CTDSPL: variants seen among roughly 807,000 people sequenced by gnomAD.
CTDSPL encodes the protein CTD small phosphatase like.
In CTDSPL, 8 loss-of-function variants were observed where a neutral mutation model predicts 30.5. The observed-to-expected ratio is 0.26, with a 90% CI of 0.15 to 0.47. CTDSPL has a LOEUF of 0.47. CTDSPL is among the 20% of genes least tolerant of loss of function. CTDSPL has a pLI of 0.99. For synonymous variants in CTDSPL, 110 were observed against 137.9 expected (o/e 0.80, Z 1.42); for missense variants, 248 against 366.1 (o/e 0.68, Z 2.63).
At chr3:37,971,673 G>A (rs955495985) in intron 6 of CTDSPL, among the ~76,000 whole-genome samples, 174 bp downstream of exon 6, 2 of 152,236 alleles carry the variant, frequency 1.3e-5, no homozygotes, top group African/African-American at 4.8e-5. Context: ...CAGTCTGAAA[G>A]CCTTCTGGGT....
chr3:37,912,128 A>G (rs1238707615), intron 1 of CTDSPL, among the ~76,000 whole-genome samples: 1 of 152,310 alleles, frequency 6.6e-6, no homozygotes, highest in Non-Finnish European at 1.5e-5. Context: ...CTCTAAAAGC[A>G]TCCTGATTTA....
chr3:37,935,280 A>G (rs1434838366), intron 1 of CTDSPL, among the ~76,000 whole-genome samples: 3 of 152,174 alleles, frequency 2.0e-5, no homozygotes, highest in Admixed American at 2.0e-4. Flanking sequence ...AAATCTCACC[A>G]CCATCGTCTA....
intron 1 of CTDSPL, among the ~76,000 whole-genome samples, chr3:37,903,184 C>G (rs1372812968): frequency 6.6e-6 from 1 of 152,132 alleles, no homozygotes; most frequent in Non-Finnish European, 1.5e-5. Context: ...GAGGAGAGGA[C>G]TTGGGAAGGG....
chr3:37,974,047 A>AT lies in CTDSPL; in HGVS notation c.520-1654dup, dbSNP rs369309155. Among the ~76,000 whole-genome samples the AT allele has an allele frequency of 4.1e-3, 626 of 152,248 alleles. 10 individuals carry two copies. The South Asian group carries it at 0.051, about 12-fold the overall frequency. On this transcript the variant is annotated intron_variant, in intron 6 of 7. Coordinates refer to ENST00000273179, the MANE Select transcript of CTDSPL (RefSeq NM_001008392.2). ...GTAAACTTTCTTAAAACGTTAGGAG[A>AT]TTTTTTTTAAAGCTCATCAGCTATT...
At chr3:37,912,263 C>A (rs1245236993) in intron 1 of CTDSPL, among the ~76,000 whole-genome samples, 1 of 152,166 alleles carries the variant, frequency 6.6e-6, no homozygotes, top group Non-Finnish European at 1.5e-5. Context: ...TTCTTTCCTG[C>A]ACTCAGCCCC....
intron 1 of CTDSPL, among the ~76,000 whole-genome samples, chr3:37,906,786 G>A (rs1012280208): frequency 1.3e-5 from 2 of 152,176 alleles, no homozygotes; most frequent in Non-Finnish European, 2.9e-5. Flanking sequence ...ACTGAGGCTG[G>A]ACTGTCACTG....
At chr3:37,875,597 A>T (rs1698126052) in intron 1 of CTDSPL, among the ~76,000 whole-genome samples, 1 of 152,218 alleles carries the variant, frequency 6.6e-6, no homozygotes, top group South Asian at 2.1e-4. Flanking sequence ...AACTGTATGT[A>T]ATCTTTCTCT....
chr3:37,982,659 G>A lies in CTDSPL; in HGVS notation c.*1792G>A, dbSNP rs1421300225. 2.2e-6 allele frequency: 1 copy of A among 456,518 alleles called. No individual in the cohort carries two copies. Among genetic ancestry groups the A allele is most frequent in the Non-Finnish European group, 4.4e-6 (1 of 226,962 alleles). 28.3% of individuals were successfully genotyped at this position (456,518 alleles called of 1,614,324 possible). On this transcript the variant is annotated 3_prime_UTR_variant, in exon 8 of 8. Coordinates refer to ENST00000273179, the MANE Select transcript of CTDSPL (RefSeq NM_001008392.2). ...CAGAAGGGAAGTAAGTATTCAGGGGGTAAACAGGTCTCCCAGCATTCTGAG... is the reference window on the plus strand; with the variant it reads ...CAGAAGGGAAGTAAGTATTCAGGGGATAAACAGGTCTCCCAGCATTCTGAG...
Position 37,982,817 on chromosome 3 carries a change from G to T in CTDSPL, c.*1950G>T, listed in dbSNP as rs953619601. On this transcript the variant is annotated 3_prime_UTR_variant, in exon 8 of 8. Coordinates refer to ENST00000273179, the MANE Select transcript of CTDSPL (RefSeq NM_001008392.2). ...TTATTTGGAAAAGTAGTCATTAAAT[G>T]AACCCACTGCCTTAAATGTCTTGAA... The T allele has an allele frequency of 2.7e-6, 1 of 368,354 alleles. No individual in the cohort carries two copies. Among genetic ancestry groups the T allele is most frequent in the Non-Finnish European group, 5.4e-6 (1 of 185,358 alleles). 22.8% of individuals were successfully genotyped at this position (368,354 alleles called of 1,614,324 possible).
intron 1 of CTDSPL, among the ~76,000 whole-genome samples, chr3:37,878,943 G>C (rs567302681): frequency 7.9e-5 from 12 of 152,298 alleles, no homozygotes; most frequent in African/African-American, 2.9e-4. Context: ...GAATAAGGGA[G>C]TTGCATGTCA....
At chr3:37,966,658 A>G (rs1699301583) in intron 4 of CTDSPL, among the ~76,000 whole-genome samples, 1 of 152,248 alleles carries the variant, frequency 6.6e-6, no homozygotes, top group Admixed American at 6.5e-5. Flanking sequence ...AACAGTGATC[A>G]TAAGCTAAGT....
intron 5 of CTDSPL, chr3:37,968,142 T>C (rs1699320326): frequency 2.2e-6 from 1 of 451,896 alleles, no homozygotes; most frequent in Non-Finnish European, 4.0e-6. Flanking sequence ...TTCAGAAGTT[T>C]CCGTATCCCC....
intron 7 of CTDSPL, 134 bp from the exon 8 acceptor site, chr3:37,980,608 T>C: frequency 8.1e-7 from 1 of 1,229,344 alleles, no homozygotes; most frequent in Non-Finnish European, 1.1e-6. Context: ...ACAAACAAAA[T>C]CATGATGATA....
rs1056970237 is a variant in CTDSPL, at chr3:37,983,139, C to T, written c.*2272C>T. 1 of 153,070 alleles carries T rather than the reference C, an allele frequency of 6.5e-6. No individual in the cohort carries two copies. The highest frequency in any genetic ancestry group is 2.4e-5 in the African/African-American group (1 of 41,452). The allele number at this position is 153,070 out of a possible 1,614,324, so 9.5% of individuals were successfully genotyped here. A position where few individuals can be genotyped will look rare whatever the true frequency, so the allele number is the denominator to read the frequency against. ...AGTGCGGAGCTGTTAGGGACGGGCCCAGCTCCTGCACCACGGACACAGAAT... is the reference window on the plus strand; with the variant it reads ...AGTGCGGAGCTGTTAGGGACGGGCCTAGCTCCTGCACCACGGACACAGAAT... On this transcript the variant is annotated 3_prime_UTR_variant, in exon 8 of 8. Coordinates refer to ENST00000273179, the MANE Select transcript of CTDSPL (RefSeq NM_001008392.2).
chr3:37,884,943 G>A (rs1293421545), intron 1 of CTDSPL, among the ~76,000 whole-genome samples: 2 of 152,078 alleles, frequency 1.3e-5, no homozygotes, highest in African/African-American at 4.8e-5. Context: ...AGCAGGAAAG[G>A]GATTTGATGG....
At chr3:37,947,410 A>G (rs1011491169) in intron 2 of CTDSPL, among the ~76,000 whole-genome samples, 199 bp downstream of exon 2, 2 of 152,052 alleles carry the variant, frequency 1.3e-5, no homozygotes, top group African/African-American at 4.8e-5. Flanking sequence ...AATACAAAAA[A>G]TTAGCTGGGC....
chr3:37,904,330 G>A (rs1698487343), intron 1 of CTDSPL, among the ~76,000 whole-genome samples: 1 of 152,202 alleles, frequency 6.6e-6, no homozygotes, highest in Non-Finnish European at 1.5e-5. Context: ...TAGGCATCCA[G>A]GAGAAGGAGG....
chr3:37,906,287 C>T (rs565777583), intron 1 of CTDSPL, among the ~76,000 whole-genome samples: 4 of 152,192 alleles, frequency 2.6e-5, no homozygotes. Flanking sequence ...AGGCAGCCTT[C>T]TCCACAGGGC....
At chr3:37,879,700 G>C (rs534985753) in intron 1 of CTDSPL, among the ~76,000 whole-genome samples, 9 of 152,170 alleles carry the variant, frequency 5.9e-5, no homozygotes, top group Non-Finnish European at 1.3e-4. Flanking sequence ...GCTTGTGCAG[G>C]ATGCAGCAAA....
Sources: gnomAD v4.1 joint callset for allele counts (sites outside exome capture counted in the v4.1 genomes callset) on GRCh38, gnomAD v4.1.1 for gene constraint, MANE v1.5 for transcripts, NCBI Gene and HGNC (gene_info 2026-07-23, HGNC 2026-07-21) for gene names.